The following KCNIP4 variants were observed in gnomAD, a reference collection of about 807,000 sequenced individuals.
KCNIP4 encodes the protein potassium voltage-gated channel interacting protein 4.
Under a neutral mutation model 34.0 loss-of-function variants are expected in KCNIP4, and 12 were observed. The ratio of observed to expected loss-of-function variants is 0.35; its 90% CI spans 0.23 to 0.57. KCNIP4 has a LOEUF of 0.57. Among genes scored for constraint, KCNIP4 ranks in the 20% least tolerant of loss-of-function variants. KCNIP4 has a pLI of 0.83. For synonymous variants in KCNIP4, 124 were observed against 102.2 expected (o/e 1.21, Z -1.29); for missense variants, 238 against 311.7 (o/e 0.76, Z 1.78).
chr4:21,612,453 A>G (rs1744230505), intron 1 of KCNIP4, among the ~76,000 whole-genome samples: 1 of 152,228 alleles, frequency 6.6e-6, no homozygotes, highest in Admixed American at 6.5e-5. Flanking sequence ...CTCAAAAGAA[A>G]TTGCACTGAC....
intron 3 of KCNIP4, among the ~76,000 whole-genome samples, chr4:20,811,960 G>A (rs1715822062): frequency 6.6e-6 from 1 of 152,150 alleles, no homozygotes; most frequent in Admixed American, 6.6e-5. Flanking sequence ...TCCCAGAAAA[G>A]AATATACCCT....
intron 1 of KCNIP4, among the ~76,000 whole-genome samples, chr4:21,902,086 T>C (rs557523715): frequency 1.5e-4 from 23 of 152,284 alleles, no homozygotes; most frequent in African/African-American, 5.1e-4. Flanking sequence ...TTGAAGAACA[T>C]GTGCTTTGTT....
intron 1 of KCNIP4, among the ~76,000 whole-genome samples, chr4:21,389,808 C>T (rs4697219): frequency 1 from 151,685 of 152,194 alleles, 75,590 homozygotes; most frequent in Middle Eastern, 1. Context: ...ATCCTTTGGG[C>T]ATATACCCAG....
chr4:21,005,747 G>C lies in KCNIP4; in HGVS notation c.62-123038C>G, dbSNP rs62293768. Among the ~76,000 whole-genome samples the C allele has an allele frequency of 2.7e-4, 41 of 152,218 alleles. No homozygotes were observed. In the East Asian group the frequency reaches 7.8e-3, roughly 29 times the overall value. Reference sequence around the variant, plus strand: ...GCCTCATATCCGGAATGCTTATATAGTTTGAATGCAGAGTGACTTTGGTTA... The same window carrying C: ...GCCTCATATCCGGAATGCTTATATACTTTGAATGCAGAGTGACTTTGGTTA... On this transcript the variant is annotated intron_variant, in intron 1 of 8. Transcript: ENST00000382152.
At chr4:20,734,351 A>G (rs1749074040) in intron 6 of KCNIP4, among the ~76,000 whole-genome samples, 3 of 152,262 alleles carry the variant, frequency 2.0e-5, no homozygotes, top group Admixed American at 6.5e-5. Context: ...TTTTCTTTCT[A>G]TCTGATTCCA....
intron 1 of KCNIP4, among the ~76,000 whole-genome samples, chr4:21,655,234 C>T (rs1442155939): frequency 6.6e-6 from 1 of 151,858 alleles, no homozygotes; most frequent in Non-Finnish European, 1.5e-5. Flanking sequence ...TATTTTAAGC[C>T]CTAGAAGTGC....
intron 1 of KCNIP4, among the ~76,000 whole-genome samples, chr4:21,613,971 G>A (rs145522745): frequency 6.7e-6 from 1 of 149,936 alleles, no homozygotes; most frequent in African/African-American, 2.5e-5. Flanking sequence ...GTGAAAATCT[G>A]TCTCTACTAA....
chr4:21,438,653 T>G (rs1327953044), intron 1 of KCNIP4, among the ~76,000 whole-genome samples: 1 of 152,160 alleles, frequency 6.6e-6, no homozygotes, highest in Non-Finnish European at 1.5e-5. Context: ...ATTAACAGAA[T>G]ACCAGATATT....
At chr4:21,606,190 G>GCAGCTTCAT (rs1468829451) in intron 1 of KCNIP4, among the ~76,000 whole-genome samples, 1 of 152,146 alleles carries the variant, frequency 6.6e-6, no homozygotes, top group Non-Finnish European at 1.5e-5. Context: ...TCTGGCAATG[G>GCAGCTTCAT]CAGCTTCATA....
At chr4:21,305,103 CAA>C (rs374176641) in intron 1 of KCNIP4, among the ~76,000 whole-genome samples, 15 of 152,120 alleles carry the variant, frequency 9.9e-5, no homozygotes, top group African/African-American at 2.9e-4. Context: ...AAAAAAACTA[CAA>C]GAGAGAGACA....
Position 21,218,325 on chromosome 4 carries a change from T to C in KCNIP4, c.62-335616A>G, listed in dbSNP as rs141140134. 3.5e-3 allele frequency among the ~76,000 whole-genome samples: 533 copies of C among 152,248 alleles called. 4 individuals carry two copies. Among genetic ancestry groups the C allele is most frequent in the South Asian group, 0.021 (102 of 4,824 alleles). On this transcript the variant is annotated intron_variant, in intron 1 of 8. Transcript: ENST00000382152. Reference sequence around the variant, plus strand: ...CCACTGCACCCAGCCTGTATAGTTTTATTTATTTATATTTGGTGTGCTTTC... The same window carrying C: ...CCACTGCACCCAGCCTGTATAGTTTCATTTATTTATATTTGGTGTGCTTTC...
chr4:21,182,608 A>C (rs1215900982), intron 1 of KCNIP4, among the ~76,000 whole-genome samples: 1 of 151,924 alleles, frequency 6.6e-6, no homozygotes, highest in Non-Finnish European at 1.5e-5. Flanking sequence ...CTCATCTCCC[A>C]ACCCCCTCTA....
intron 3 of KCNIP4, among the ~76,000 whole-genome samples, chr4:20,793,511 A>G (rs1470715261): frequency 6.6e-6 from 1 of 152,104 alleles, no homozygotes; most frequent in Non-Finnish European, 1.5e-5. Flanking sequence ...ATTCATATGT[A>G]AAAACTTTCA....
At chr4:21,246,857 T>C (rs1760242155) in intron 1 of KCNIP4, among the ~76,000 whole-genome samples, 1 of 152,212 alleles carries the variant, frequency 6.6e-6, no homozygotes. Context: ...TAGTTAAAAT[T>C]CTGTTCATAA....
At chr4:21,193,311 G>A (rs971330085) in intron 1 of KCNIP4, among the ~76,000 whole-genome samples, 1 of 152,092 alleles carries the variant, frequency 6.6e-6, no homozygotes, top group Non-Finnish European at 1.5e-5. Flanking sequence ...TTGTGTCACA[G>A]CTGAGCTCAG....
intron 1 of KCNIP4, among the ~76,000 whole-genome samples, chr4:21,654,036 T>C (rs528404553): frequency 1.3e-5 from 2 of 152,298 alleles, no homozygotes; most frequent in African/African-American, 4.8e-5. Flanking sequence ...CATTAACCTA[T>C]TTATATCCTA....
chr4:20,959,783 C>G (rs1012469766), intron 1 of KCNIP4, among the ~76,000 whole-genome samples: 7 of 152,184 alleles, frequency 4.6e-5, no homozygotes, highest in African/African-American at 1.7e-4. Context: ...ATAATGAGCT[C>G]TGCAAGGAGA....
At chr4:21,026,609 G>A (rs1009870708) in intron 1 of KCNIP4, among the ~76,000 whole-genome samples, 11 of 152,214 alleles carry the variant, frequency 7.2e-5, no homozygotes, top group Admixed American at 6.5e-4. Flanking sequence ...AGCTGAGATC[G>A]TGCCACTGCA....
intron 1 of KCNIP4, among the ~76,000 whole-genome samples, chr4:21,341,360 T>TC (rs1303196155): frequency 6.6e-6 from 1 of 152,124 alleles, no homozygotes; most frequent in Non-Finnish European, 1.5e-5. Context: ...TCTGTTTGCT[T>TC]CCCTTACATA....
Sources: gnomAD v4.1 joint callset for allele counts (sites outside exome capture counted in the v4.1 genomes callset) on GRCh38, gnomAD v4.1.1 for gene constraint, MANE v1.5 for transcripts, NCBI Gene and HGNC (gene_info 2026-07-23, HGNC 2026-07-21) for gene names.